The following DAB1 variants were observed in gnomAD, a reference collection of about 807,000 sequenced individuals.
DAB1 encodes disabled homolog 1.
A neutral mutation model predicts 64.6 loss-of-function variants in DAB1; 15 were observed. The observed-to-expected ratio is 0.23, with a 90% confidence interval of 0.16 to 0.36. DAB1 has a LOEUF of 0.36. Among genes scored for constraint, DAB1 ranks in the 10% least tolerant of loss-of-function variants. The pLI, the probability that DAB1 is intolerant of heterozygous loss-of-function variation, is 1.00. For missense variants in DAB1, 596 were observed against 706.7 expected (o/e 0.84, Z 1.78); for synonymous variants, 235 against 251.9 (o/e 0.93, Z 0.64).
chr1:58,205,077 C>T lies in DAB1; in HGVS notation n.310-54489G>A, dbSNP rs543661162. Among the ~76,000 whole-genome samples, 13 of 152,210 alleles carry T rather than the reference C, an allele frequency of 8.5e-5. No homozygotes were observed. The South Asian group carries it at 2.7e-3, about 32-fold the overall frequency. On this transcript the variant is annotated intron_variant and non_coding_transcript_variant, in intron 4 of 20. Transcript: ENST00000485760. The stretch of plus-strand genomic sequence containing the variant: ...AGGTCAAAATGGTTGAAGTCACTTG[C>T]TCGAGGTCACACAGCAAGTAGGATT...
chr1:57,336,588 G>C (rs1371156243), intron 1 of DAB1, among the ~76,000 whole-genome samples: 1 of 152,186 alleles, frequency 6.6e-6, no homozygotes, highest in African/African-American at 2.4e-5. Flanking sequence ...AACAGCTCTA[G>C]TAGGTAGGTG....
At chr1:57,120,449 C>A (rs1334656080) in intron 4 of DAB1, among the ~76,000 whole-genome samples, 1 of 152,142 alleles carries the variant, frequency 6.6e-6, no homozygotes, top group Non-Finnish European at 1.5e-5. Flanking sequence ...GCATTTTTTA[C>A]TGCAGTAAAA....
chr1:57,797,356 C>T (rs979485804), intron 6 of DAB1, among the ~76,000 whole-genome samples: 1 of 152,192 alleles, frequency 6.6e-6, no homozygotes, highest in African/African-American at 2.4e-5. Context: ...TCTCTGAAGG[C>T]AATACTCCAG....
chr1:57,067,043 C>T (rs1287539654), intron 8 of DAB1, among the ~76,000 whole-genome samples: 2 of 152,090 alleles, frequency 1.3e-5, no homozygotes, highest in African/African-American at 2.4e-5. Context: ...TAATAGCAGC[C>T]CCTTAAAAGC....
chr1:57,424,991 T>G (rs1685225975), upstream of DAB1, among the ~76,000 whole-genome samples: 1 of 152,192 alleles, frequency 6.6e-6, no homozygotes, highest in Non-Finnish European at 1.5e-5. Flanking sequence ...GCTCCTTGCT[T>G]AGGGTCCTAG....
intron 2 of DAB1, among the ~76,000 whole-genome samples, chr1:57,145,687 A>G (rs971380536): frequency 6.6e-6 from 1 of 152,222 alleles, no homozygotes; most frequent in Non-Finnish European, 1.5e-5. Flanking sequence ...TAACCACCCC[A>G]ACAGGGTATT....
chr1:57,636,276 T>C (rs1646056479), intron 7 of DAB1, among the ~76,000 whole-genome samples: 1 of 152,076 alleles, frequency 6.6e-6, no homozygotes. Flanking sequence ...CCAAATTTGC[T>C]GACACTTTGA....
intron 2 of DAB1, among the ~76,000 whole-genome samples, chr1:57,197,817 A>G (rs74939493): frequency 0.021 from 3,256 of 152,336 alleles, 128 homozygotes; most frequent in African/African-American, 0.074. Context: ...TGCATGTTTT[A>G]GAGTCAGTTA....
intron 7 of DAB1, among the ~76,000 whole-genome samples, chr1:57,586,923 G>A (rs939630551): frequency 1.3e-5 from 2 of 151,914 alleles, no homozygotes; most frequent in Non-Finnish European, 2.9e-5. Context: ...CAATTACAAA[G>A]TCTGGCATGT....
intron 2 of DAB1, among the ~76,000 whole-genome samples, chr1:58,517,844 G>C (rs183866952): frequency 6.6e-6 from 1 of 152,008 alleles, no homozygotes; most frequent in African/African-American, 2.4e-5. Context: ...AAAGGGAAAA[G>C]TCTGGAGGAA....
intron 7 of DAB1, among the ~76,000 whole-genome samples, chr1:57,503,134 A>G (rs1644308571): frequency 6.6e-6 from 1 of 152,212 alleles, no homozygotes; most frequent in Non-Finnish European, 1.5e-5. Flanking sequence ...GAATGCTGCT[A>G]CAATAAAGGG....
intron 5 of DAB1, among the ~76,000 whole-genome samples, chr1:57,917,754 A>G (rs1240075001): frequency 6.6e-6 from 1 of 152,192 alleles, no homozygotes; most frequent in East Asian, 1.9e-4. Context: ...TTAACTGTAA[A>G]GAGCCCACCC....
chr1:57,523,032 T>G (rs1644548076), intron 7 of DAB1, among the ~76,000 whole-genome samples: 2 of 152,222 alleles, frequency 1.3e-5, no homozygotes, highest in Non-Finnish European at 2.9e-5. Context: ...AGACTCAGAC[T>G]GGCTTTCTTG....
chr1:57,814,470 G>T (rs2101888499), intron 6 of DAB1, among the ~76,000 whole-genome samples: 1 of 152,218 alleles, frequency 6.6e-6, no homozygotes, highest in East Asian at 1.9e-4. Context: ...CTCTCTCAGG[G>T]TCAAAAAATG....
intron 7 of DAB1, among the ~76,000 whole-genome samples, chr1:57,532,722 T>A (rs1644680157): frequency 6.6e-6 from 1 of 152,228 alleles, no homozygotes; most frequent in South Asian, 2.1e-4. Flanking sequence ...GCAAGCTTCT[T>A]GACTCTGGGA....
chr1:58,533,429 G>A (rs1307459006), intron 1 of DAB1, among the ~76,000 whole-genome samples: 1 of 151,968 alleles, frequency 6.6e-6, no homozygotes, highest in Non-Finnish European at 1.5e-5. Flanking sequence ...AATTATGAAT[G>A]GGAAGCCACA....
chr1:57,585,039 A>T (rs541046745), intron 7 of DAB1, among the ~76,000 whole-genome samples: 1 of 149,034 alleles, frequency 6.7e-6, no homozygotes, highest in Non-Finnish European at 1.5e-5. Context: ...TCACAAGGTC[A>T]GGAGTTCGAG....
At chr1:58,033,169 C>T (rs1017688408) in intron 5 of DAB1, among the ~76,000 whole-genome samples, 1 of 152,158 alleles carries the variant, frequency 6.6e-6, no homozygotes, top group African/African-American at 2.4e-5. Context: ...ATGGATTTGT[C>T]AGGGGATTAA....
chr1:57,929,141 G>T (rs1200854440), intron 5 of DAB1, among the ~76,000 whole-genome samples: 1 of 152,182 alleles, frequency 6.6e-6, no homozygotes, highest in Non-Finnish European at 1.5e-5. Flanking sequence ...GCCAATAGGT[G>T]TGCAGTGGTA....
Sources: gnomAD v4.1 joint callset for allele counts (sites outside exome capture counted in the v4.1 genomes callset) on GRCh38, gnomAD v4.1.1 for gene constraint, MANE v1.5 for transcripts, NCBI Gene and HGNC (gene_info 2026-07-23, HGNC 2026-07-21) for gene names.